BTBD3: variants seen among roughly 807,000 people sequenced by gnomAD.
BTBD3 encodes BTB/POZ domain-containing protein 3.
BTBD3 carries 14 observed loss-of-function variants against 41.6 expected under a neutral mutation model. The ratio of observed to expected loss-of-function variants is 0.34; its 90% CI spans 0.22 to 0.53. BTBD3 has a LOEUF of 0.53. Among genes scored for constraint, BTBD3 ranks in the 20% least tolerant of loss-of-function variants. BTBD3 has a pLI of 0.95. For missense variants in BTBD3, 426 were observed against 654.7 expected (o/e 0.65, Z 3.81); for synonymous variants, 249 against 233.7 (o/e 1.07, Z -0.60).
intron 1 of BTBD3, among the ~76,000 whole-genome samples, chr20:11,903,083 T>G (rs2056833274): frequency 6.6e-6 from 1 of 152,226 alleles, no homozygotes; most frequent in Admixed American, 6.5e-5. Context: ...TTATTTAGAT[T>G]AAGTATTTCT....
intron 1 of BTBD3, 150 bp downstream of exon 1, chr20:11,918,751 C>G: frequency 1.2e-6 from 1 of 854,682 alleles, no homozygotes; most frequent in South Asian, 2.0e-5. Flanking sequence ...TGTATCTTTT[C>G]CAAAACAGTA....
intron 1 of BTBD3, among the ~76,000 whole-genome samples, chr20:11,894,631 T>G (rs1234328932): frequency 2.0e-5 from 3 of 152,028 alleles, no homozygotes; most frequent in Non-Finnish European, 4.4e-5. Flanking sequence ...GTTTATCATG[T>G]TTTTAGTTTT....
At position 11,923,210 on chromosome 20, in the gene BTBD3, C is replaced by T. The variant is rs778733657; in HGVS notation, c.1113C>T (p.Val371=). The T allele has an allele frequency of 4.3e-6, 7 of 1,614,206 alleles. No individual in the cohort carries two copies. Among genetic ancestry groups the T allele is most frequent in the Non-Finnish European group, 5.9e-6 (7 of 1,180,032 alleles). ...QFVSKARKGL[V]PQRCHRFQSC... ...TGAGTAAAGCCCGTAAGGGCCTTGT[C>T]CCCCAGCGCTGTCACCGTTTCCAGT... Residue 371 remains valine (V), a synonymous_variant, in exon 4 of 4, where the codon GTC becomes GTT. Coordinates refer to ENST00000378226, the MANE Select transcript of BTBD3 (RefSeq NM_014962.4). This position sits in a 1 kb window ranked among gnomAD's most constrained non-coding sequence, Gnocchi z 5.3.
chr20:11,920,301 C>A lies in BTBD3; in HGVS notation c.536+465C>A, dbSNP rs533805300. 2.0e-5 allele frequency among the ~76,000 whole-genome samples: 3 copies of A among 152,236 alleles called. No individual in the cohort carries two copies. In the East Asian group the frequency reaches 5.8e-4, roughly 29 times the overall value. ...CTCCTAAGAGCAAATGAAAAACTTACCATCTGTTGAAATAATCTGATCTTT... is the reference window on the plus strand; with the variant it reads ...CTCCTAAGAGCAAATGAAAAACTTAACATCTGTTGAAATAATCTGATCTTT... On this transcript the variant is annotated intron_variant, in intron 3 of 3. Coordinates refer to ENST00000378226, the MANE Select transcript of BTBD3 (RefSeq NM_014962.4).
intron 1 of BTBD3, among the ~76,000 whole-genome samples, chr20:11,898,804 CAG>C (rs1401819596): frequency 1.3e-5 from 2 of 152,142 alleles, no homozygotes; most frequent in African/African-American, 4.8e-5. Context: ...GATAATAATA[CAG>C]AGAGTGGTTA....
intron 1 of BTBD3, chr20:11,909,892 G>C (rs2056878987): frequency 6.6e-6 from 1 of 152,202 alleles, no homozygotes; most frequent in African/African-American, 2.4e-5. Flanking sequence ...TATAATTCAG[G>C]TGTTTGGTGT....
At chr20:11,907,558 G>A (rs1038657737) in intron 1 of BTBD3, among the ~76,000 whole-genome samples, 1 of 152,212 alleles carries the variant, frequency 6.6e-6, no homozygotes, top group African/African-American at 2.4e-5. Flanking sequence ...GCAGTCCTCA[G>A]AGAAAGCACA....
At chr20:11,917,807 A>G (rs573070094), upstream of BTBD3, 1 of 474,386 alleles carries the variant, frequency 2.1e-6, no homozygotes, top group East Asian at 1.5e-4. Flanking sequence ...TCCAATCATG[A>G]TTGGTGACTT....
At chr20:11,904,272 G>A (rs2122214110) in intron 1 of BTBD3, among the ~76,000 whole-genome samples, 1 of 152,282 alleles carries the variant, frequency 6.6e-6, no homozygotes, top group African/African-American at 2.4e-5. Context: ...GGGGAAGCAA[G>A]TACATCTTCA....
At chr20:11,912,605 A>C (rs971243678) in intron 1 of BTBD3, among the ~76,000 whole-genome samples, 8 of 152,172 alleles carry the variant, frequency 5.3e-5, no homozygotes, top group African/African-American at 1.9e-4. Context: ...AATCTTTGAG[A>C]TTTTGTGTTT....
chr20:11,891,209 C>G (rs1282513373), intron 1 of BTBD3: 1 of 152,928 alleles, frequency 6.5e-6, no homozygotes, highest in Non-Finnish European at 1.4e-5. Flanking sequence ...GCGCGTCGGG[C>G]CCGCGCGGAG....
chr20:11,894,208 A>G (rs2056772810), intron 1 of BTBD3, among the ~76,000 whole-genome samples: 1 of 152,272 alleles, frequency 6.6e-6, no homozygotes, highest in Admixed American at 6.5e-5. Context: ...CAAATGACGT[A>G]GGCTCAGTAC....
chr20:11,895,258 A>C (rs935729277), intron 1 of BTBD3, among the ~76,000 whole-genome samples: 1 of 152,198 alleles, frequency 6.6e-6, no homozygotes, highest in Non-Finnish European at 1.5e-5. Flanking sequence ...ATATTTAGAA[A>C]TACCTGGCAG....
chr20:11,893,456 A>G lies in BTBD3; in HGVS notation c.-126+2502A>G, dbSNP rs541735255. Among the ~76,000 whole-genome samples the G allele has an allele frequency of 1.1e-4, 16 of 152,360 alleles. No homozygotes were observed. In the East Asian group the frequency reaches 2.3e-3, roughly 22 times the overall value. Reference sequence around the variant, plus strand: ...GATGGACCTTGTAGTTCCAGCAGTGATGCTGGGCTGCTAAAATAATAATCT... The same window carrying G: ...GATGGACCTTGTAGTTCCAGCAGTGGTGCTGGGCTGCTAAAATAATAATCT... On this transcript the variant is annotated intron_variant, in intron 1 of 4. Transcript: ENST00000254977.
At position 11,918,075 on chromosome 20, in the gene BTBD3, A is replaced by G; in HGVS notation, c.-201A>G. On this transcript the variant is annotated 5_prime_UTR_variant, in exon 1 of 4. In the 5' UTR this introduces an upstream ATG that the reference lacks. Transcript: ENST00000378226. ...GAAACAGGAATCATGATGGGGATAT[A>G]TTTAACAGACCCAGTACTGGATAAA... is the stretch of plus-strand genomic sequence containing the variant. 2.2e-6 allele frequency: 3 copies of G among 1,348,474 alleles called. No homozygotes were observed. Among genetic ancestry groups the G allele is most frequent in the Non-Finnish European group, 1.9e-6 (2 of 1,057,360 alleles). The allele number at this position is 1,348,474 out of a possible 1,614,324, so 83.5% of individuals were successfully genotyped here. A position where few individuals can be genotyped will look rare whatever the true frequency, so the allele number is the denominator to read the frequency against.
intron 1 of BTBD3, chr20:11,910,224 A>C (rs1413587742): frequency 1.6e-5 from 2 of 125,806 alleles, no homozygotes; most frequent in African/African-American, 6.2e-5. Context: ...TTCGAATATC[A>C]GAAAAAAAAA....
At chr20:11,906,373 C>T (rs2056855032) in intron 1 of BTBD3, among the ~76,000 whole-genome samples, 1 of 145,466 alleles carries the variant, frequency 6.9e-6, no homozygotes. Context: ...CAAGTATTCT[C>T]CTGCCTCAGC....
chr20:11,919,780 C>G lies in BTBD3; in HGVS notation c.480C>G (p.Asp160Glu). 16 of 1,614,140 alleles carry G rather than the reference C, an allele frequency of 9.9e-6. No homozygotes were observed. Among genetic ancestry groups the G allele is most frequent in the Non-Finnish European group, 1.4e-5 (16 of 1,180,020 alleles). ...TGTTTTACGGAGAACTTGCAGAGGACAAAGATGAAATCCGTATACCAGATG... is the reference window on the plus strand; with the variant it reads ...TGTTTTACGGAGAACTTGCAGAGGAGAAAGATGAAATCCGTATACCAGATG... The part of the protein sequence containing the change: ...HAMFYGELAE[D>E]KDEIRIPDVE... The change falls in exon 3 of 4, where the codon GAC becomes GAG. Residue 160 changes from aspartate (D) to glutamate (E), a missense_variant. Physicochemically the swap from Asp to Glu is conservative, Grantham distance 45 (BLOSUM62 2). This residue lies in a region of BTBD3 where 321 missense variants were observed against 534.8 expected (regional missense o/e 0.60). Coordinates refer to ENST00000378226, the MANE Select transcript of BTBD3 (RefSeq NM_014962.4).
chr20:11,910,448 T>C (rs1229618835), intron 1 of BTBD3: 1 of 152,232 alleles, frequency 6.6e-6, no homozygotes, highest in Admixed American at 6.5e-5. Flanking sequence ...TCAGGCCTTT[T>C]TGAAAGGGAC....
Sources: allele counts gnomAD v4.1 joint callset (sites outside exome capture counted in the v4.1 genomes callset), GRCh38; gene constraint gnomAD v4.1.1; regional missense constraint gnomAD v4.1.1; non-coding constraint Gnocchi (gnomAD v3.1); transcripts MANE v1.5; gene names NCBI Gene and HGNC (gene_info 2026-07-23, HGNC 2026-07-21).